Variants in TET2 observed in about 807,000 individuals in gnomAD.
TET2 encodes methylcytosine dioxygenase TET2.
A neutral mutation model predicts 142.9 loss-of-function variants in TET2; 299 were observed. That is an observed-to-expected ratio of 2.09 (90% confidence interval 1.90 to 2.30). The LOEUF (loss-of-function observed/expected upper bound fraction) is 2.30, where lower values mean the gene tolerates loss of function less well. Ranked by LOEUF, TET2 falls within the 30% of genes most tolerant of loss-of-function variation. TET2 has a pLI of 0.00. For synonymous variants in TET2, 819 were observed against 849.0 expected (o/e 0.96, Z 0.61); for missense variants, 2,418 against 2,378.0 (o/e 1.02, Z -0.35).
Position 105,243,670 on chromosome 4 carries a change from TGTGGGAA to T in TET2, c.3697_3703del (p.Trp1233GlufsTer18). The T allele has an allele frequency of 6.4e-7, 1 of 1,551,586 alleles. No individual in the cohort carries two copies. On this transcript the variant is annotated frameshift_variant, in exon 6 of 11. Coordinates refer to ENST00000380013, the MANE Select transcript of TET2 (RefSeq NM_001127208.3). LOFTEE classifies it high-confidence loss of function. The stretch of plus-strand genomic sequence containing the variant: ...GCAGTGATTGTGATTCTCATCCTGG[TGTGGGAA>T]GGAATCCCGCTGTCTCTGGCTGACA...
At chr4:105,251,122 C>T (rs1729850683) in intron 6 of TET2, among the ~76,000 whole-genome samples, 2 of 151,990 alleles carry the variant, frequency 1.3e-5, no homozygotes, top group South Asian at 4.1e-4. Flanking sequence ...AGCTTATTAG[C>T]ACTAACTTTT....
At chr4:105,164,815 C>T (rs971570642) in intron 1 of TET2, among the ~76,000 whole-genome samples, 1 of 152,130 alleles carries the variant, frequency 6.6e-6, no homozygotes, top group Admixed American at 6.5e-5. Context: ...AAGATTGGCT[C>T]AAGGGGGAAG....
At chr4:105,256,812 C>T (rs1322771010) in intron 6 of TET2, among the ~76,000 whole-genome samples, 4 of 152,076 alleles carry the variant, frequency 2.6e-5, no homozygotes, top group African/African-American at 9.7e-5. Flanking sequence ...TCTCAATTGA[C>T]TTATCTTCAA....
intron 2 of TET2, among the ~76,000 whole-genome samples, chr4:105,219,667 C>T (rs2110578046): frequency 6.6e-6 from 1 of 151,820 alleles, no homozygotes; most frequent in East Asian, 1.9e-4. Flanking sequence ...TTTGTTTTGC[C>T]ATTCTTGATT....
rs36045001 is a variant in TET2, at chr4:105,209,049, GTATATATATATATATATATATATATATA to G, written c.-47+18566_-47+18593del. On this transcript the variant is annotated intron_variant, in intron 2 of 10. Coordinates refer to ENST00000380013, the MANE Select transcript of TET2 (RefSeq NM_001127208.3). ...AATGAAATAGATGCCTCAAGGCATG[GTATATATATATATATATATATATATATA>G]TATATATATATATATATATATGTTT... Among the ~76,000 whole-genome samples the G allele has an allele frequency of 8.6e-3, 383 of 44,362 alleles. 15 individuals are homozygous for G. The highest frequency in any genetic ancestry group is 0.03 in the South Asian group (20 of 660). The allele number at this position is 44,362 out of a possible 152,430, so 29.1% of individuals were successfully genotyped here. A position where few individuals can be genotyped will look rare whatever the true frequency, so the allele number is the denominator to read the frequency against.
At chr4:105,242,731 G>T (rs1729369938) in intron 4 of TET2, 103 bp from the exon 5 acceptor site, 11 of 1,489,772 alleles carry the variant, frequency 7.4e-6, no homozygotes, top group Non-Finnish European at 8.9e-6. Context: ...TTCTCAGGAT[G>T]TGGTCATAGA....
chr4:105,199,607 T>C (rs1404276615), intron 2 of TET2, among the ~76,000 whole-genome samples: 1 of 152,212 alleles, frequency 6.6e-6, no homozygotes, highest in Non-Finnish European at 1.5e-5. Context: ...CCTTGGGTCA[T>C]GGGAGTTTGT....
In TET2 at chr4:105,275,466, G is replaced by C. The variant is rs2110313345; in HGVS notation, c.4956G>C (p.Gln1652His). ...CATATCTGGGTTCCTATTCTCCCCA[G>C]TCTCAGCCGATGGATCTGTATAGGT... ...CSPYLGSYSP[Q>H]SQPMDLYRYP... Residue 1652 changes from glutamine (Q) to histidine (H), a missense_variant, in exon 11 of 11, where the codon CAG becomes CAC. Gln to His is a conservative substitution (Grantham distance 24, BLOSUM62 0). Transcript: ENST00000380013. The C allele has an allele frequency of 6.4e-7, 1 of 1,551,680 alleles. No individual in the cohort carries two copies. The highest frequency in any genetic ancestry group is 1.2e-5 in the South Asian group (1 of 84,060).
At chr4:105,206,703 G>T (rs1233374739) in intron 2 of TET2, among the ~76,000 whole-genome samples, 1 of 152,128 alleles carries the variant, frequency 6.6e-6, no homozygotes, top group South Asian at 2.1e-4. Context: ...TGGTATTTTA[G>T]TGCTAATGGG....
Position 105,277,973 on chromosome 4 carries a change from G to A in TET2, c.*1454G>A, listed in dbSNP as rs1731294008. The A allele has an allele frequency of 4.7e-6, 1 of 214,466 alleles. No individual in the cohort carries two copies. Among genetic ancestry groups the A allele is most frequent in the South Asian group, 1.9e-4 (1 of 5,370 alleles). 13.3% of individuals were successfully genotyped at this position (214,466 alleles called of 1,614,324 possible). A position where few individuals can be genotyped will look rare whatever the true frequency, so the allele number is the denominator to read the frequency against. On this transcript the variant is annotated 3_prime_UTR_variant, in exon 11 of 11. Transcript: ENST00000380013. ...ATTGAGCAGACTGATGCCTGCATAA[G>A]ATGAATAAACAGGGTTAGTTCCATG... is the stretch of plus-strand genomic sequence containing the variant.
intron 6 of TET2, among the ~76,000 whole-genome samples, chr4:105,248,758 G>A (rs928341853): frequency 6.6e-6 from 1 of 151,890 alleles, no homozygotes; most frequent in Non-Finnish European, 1.5e-5. Context: ...GTTTCAGAAC[G>A]TTTTCATCAT....
Position 105,235,902 on chromosome 4 carries a change from CA to C in TET2, c.1965del (p.Lys655AsnfsTer45), listed in dbSNP as rs1483905463. On this transcript the variant is annotated frameshift_variant, in exon 3 of 11. Transcript: ENST00000380013. LOFTEE classifies it high-confidence loss of function. ...TACAGTGGACCAACATCTCCAGTTC[CA>C]AAAACCCTCACACCAGGTGCACTTC... ...QGTVDQHLQF[Q>X]KPSHQVHFSK... The C allele has an allele frequency of 6.2e-7, 1 of 1,614,052 alleles. No individual in the cohort carries two copies. Among genetic ancestry groups the C allele is most frequent in the Non-Finnish European group, 8.5e-7 (1 of 1,180,002 alleles).
At chr4:105,173,197 T>A (rs1245466081) in intron 1 of TET2, among the ~76,000 whole-genome samples, 1 of 152,134 alleles carries the variant, frequency 6.6e-6, no homozygotes, top group Non-Finnish European at 1.5e-5. Context: ...TTCCATCTGC[T>A]GTGTGCCAGT....
At chr4:105,238,519 T>C (rs1019811699) in intron 3 of TET2, 6 of 246,436 alleles carry the variant, frequency 2.4e-5, no homozygotes, top group Non-Finnish European at 5.1e-5. Context: ...TTCAGCAGTT[T>C]ACAGCATCTT....
chr4:105,236,847 C>T lies in TET2; in HGVS notation c.2905C>T (p.Gln969Ter), dbSNP rs764399725. The T allele has an allele frequency of 1.9e-6, 3 of 1,614,012 alleles. No individual in the cohort carries two copies. The highest frequency in any genetic ancestry group is 1.7e-5 in the Admixed American group (1 of 59,974). The change falls in exon 3 of 11, where the codon CAA becomes TAA. Residue 969 changes from glutamine (Q) to a stop codon, truncating the protein, a stop_gained. Transcript: ENST00000380013. LOFTEE classifies it high-confidence loss of function. ...AGAACAGCAGCAAACACAGCAACCC[C>T]AAACTGAGTCTTGCCATAGTCAGAT... ...KQEQQQTQQP[Q>*]TESCHSQMHR...
chr4:105,223,667 G>A (rs1047794785), intron 2 of TET2, among the ~76,000 whole-genome samples: 2 of 152,174 alleles, frequency 1.3e-5, no homozygotes, highest in Admixed American at 6.6e-5. Context: ...TATGTCCCAT[G>A]TTGATAGGAA....
intron 4 of TET2, chr4:105,241,966 C>T: frequency 8.1e-7 from 1 of 1,232,266 alleles, no homozygotes; most frequent in Non-Finnish European, 1.0e-6. Context: ...CTATCAATCA[C>T]AGGTATACAA....
At chr4:105,201,993 TCGGC>T (rs1726506982) in intron 2 of TET2, among the ~76,000 whole-genome samples, 1 of 152,006 alleles carries the variant, frequency 6.6e-6, no homozygotes, top group African/African-American at 2.4e-5. Context: ...TCCACCTGCC[TCGGC>T]TTCCCAAAGT....
intron 1 of TET2, among the ~76,000 whole-genome samples, chr4:105,160,816 G>A (rs764626531): frequency 2.6e-5 from 4 of 151,972 alleles, no homozygotes; most frequent in Non-Finnish European, 5.9e-5. Context: ...TCCCTCTGTC[G>A]CCCAGGCTGG....
Sources: allele counts gnomAD v4.1 joint callset (sites outside exome capture counted in the v4.1 genomes callset), GRCh38; gene constraint gnomAD v4.1.1; transcripts MANE v1.5; gene names NCBI Gene and HGNC (gene_info 2026-07-23, HGNC 2026-07-21).